MUC5B: variants seen among roughly 807,000 people sequenced by gnomAD.
MUC5B encodes mucin 5B, oligomeric mucus/gel-forming, also known as mucin-5B.
In MUC5B, 116 loss-of-function variants were observed where a neutral mutation model predicts 376.9. The observed-to-expected ratio is 0.31, with a 90% confidence interval of 0.26 to 0.36. The LOEUF is 0.36. Among genes scored for constraint, MUC5B ranks in the 10% least tolerant of loss-of-function variants. MUC5B has a pLI of 1.00. For missense variants in MUC5B, 7,165 were observed against 7,769.9 expected (o/e 0.92, Z 2.93); for synonymous variants, 3,517 against 3,390.9 (o/e 1.04, Z -1.29).
chr11:1,254,936 A>C (rs996463226), intron 35 of MUC5B, 56 bp downstream of exon 35: 6 of 1,288,750 alleles, frequency 4.7e-6, no homozygotes, highest in Non-Finnish European at 6.1e-6. Context: ...CTGACAACCC[A>C]GTGAGCATAG....
At position 1,249,495 on chromosome 11, in the gene MUC5B, G is replaced by A. The variant is rs780279590; in HGVS notation, c.12615G>A (p.Glu4205=). The change falls in exon 31 of 49, where the codon GAG becomes GAA. Residue 4205 remains glutamate (E), a synonymous_variant. Coordinates refer to ENST00000529681, the MANE Select transcript of MUC5B (RefSeq NM_002458.3). ...TTGGCCTGGTCTGCAGGAACCGTGA[G>A]CAGGTGGGGAAGTTCAAGATGTGCT... ...LDFGLVCRNR[E]QVGKFKMCFN... 1.2e-6 allele frequency: 2 copies of A among 1,611,554 alleles called. No homozygotes were observed. Among genetic ancestry groups the A allele is most frequent in the South Asian group, 2.2e-5 (2 of 90,996 alleles).
chr11:1,230,438 C>T (rs1861998774), intron 11 of MUC5B, 52 bp from the exon 12 acceptor site: 1 of 1,479,356 alleles, frequency 6.8e-7, no homozygotes. Flanking sequence ...TTCTGGGGGG[C>T]ACCCCACATC....
rs1862296545 is a variant in MUC5B at position 1,241,978 on chromosome 11, C to A, written c.5098C>A (p.Pro1700Thr). Residue 1700 changes from proline to threonine, a missense_variant, in exon 31 of 49, where the codon CCA (proline) becomes ACA (threonine). Physicochemically the swap from Pro to Thr is conservative, Grantham distance 38 (BLOSUM62 -1). Transcript: ENST00000529681. ...CACCCTTCCAACACGCTCAGCCCTTCCAGGGACGACGGGGAGCTTGGGCAC... is the reference window on the plus strand; with the variant it reads ...CACCCTTCCAACACGCTCAGCCCTTACAGGGACGACGGGGAGCTTGGGCAC... ...TSTLPTRSALPGTTGSLGTWR... is the reference protein window; with the variant it reads ...TSTLPTRSALTGTTGSLGTWR... 6.3e-7 allele frequency: 1 copy of A among 1,596,218 alleles called. No homozygotes were observed. The highest frequency in any genetic ancestry group is 1.3e-5 in the African/African-American group (1 of 74,376).
rs776871334 is a variant in MUC5B, at chr11:1,232,530, A to C, written c.1924A>C (p.Lys642Gln). ...GCGCTGCCACTCCATCATCAACCCC[A>C]AGCCCTTCCACTCGGTGAGAGGCTG... is the stretch of plus-strand genomic sequence containing the variant. ...FSRCHSIINP[K>Q]PFHSNCMFDT... The change falls in exon 16 of 49, where the codon AAG (lysine) becomes CAG (glutamine). Residue 642 changes from lysine to glutamine, a missense_variant. Lys to Gln is a moderately conservative substitution (Grantham distance 53). This residue lies in a region of MUC5B where 530 missense variants were observed against 604.0 expected (regional missense o/e 0.88). Coordinates refer to ENST00000529681, the MANE Select transcript of MUC5B (RefSeq NM_002458.3). The C allele has an allele frequency of 1.2e-6, 2 of 1,610,798 alleles. No individual in the cohort carries two copies. Among genetic ancestry groups the C allele is most frequent in the South Asian group, 2.2e-5 (2 of 90,516 alleles).
In MUC5B at chr11:1,239,240, G is replaced by A. The variant is rs1321059003; in HGVS notation, c.3455-198G>A. On this transcript the variant is annotated intron_variant, in intron 26 of 48. Coordinates refer to ENST00000529681, the MANE Select transcript of MUC5B (RefSeq NM_002458.3). ...TTGCCCCAGCATGAGACAGCTCCTA[G>A]GGGACAAGAGTTCCAAGGGCAGGGC... 1.6e-5 allele frequency: 14 copies of A among 896,558 alleles called. No individual in the cohort carries two copies. The South Asian group carries it at 2.0e-4, about 13-fold the overall frequency. The allele number at this position is 896,558 out of a possible 1,614,324, so 55.5% of individuals were successfully genotyped here. A position where few individuals can be genotyped will look rare whatever the true frequency, so the allele number is the denominator to read the frequency against.
chr11:1,227,236 C>A, intron 5 of MUC5B, 72 bp from the exon 6 acceptor site: 1 of 1,570,256 alleles, frequency 6.4e-7, no homozygotes, highest in Non-Finnish European at 8.7e-7. Context: ...CTTGGGGTCA[C>A]GGGGCTTGGG....
chr11:1,258,002 G>C lies in MUC5B; in HGVS notation c.16451-97G>C. The C allele has an allele frequency of 7.9e-7, 1 of 1,260,994 alleles. No homozygotes were observed. The highest frequency in any genetic ancestry group is 1.1e-6 in the Non-Finnish European group (1 of 897,784). The allele number at this position is 1,260,994 out of a possible 1,614,324, so 78.1% of individuals were successfully genotyped here. A position where few individuals can be genotyped will look rare whatever the true frequency, so the allele number is the denominator to read the frequency against. On this transcript the variant is annotated intron_variant, in intron 41 of 48. Transcript: ENST00000529681. This position sits in a 1 kb window ranked among gnomAD's most constrained non-coding sequence, Gnocchi z 5.5. ...CCCCCAGGGGCTGTGAAGCGGTCAG[G>C]TCCTCGGGGAAAAGCACGCCTGCGA...
Position 1,251,407 on chromosome 11 carries a change from G to C in MUC5B, c.14527G>C (p.Gly4843Arg). 1.2e-6 allele frequency: 2 copies of C among 1,612,606 alleles called. No individual in the cohort carries two copies. The highest frequency in any genetic ancestry group is 1.1e-5 in the South Asian group (1 of 91,028). Residue 4843 changes from glycine (G) to arginine (R), a missense_variant, in exon 31 of 49, where the codon GGG becomes CGG. Coordinates refer to ENST00000529681, the MANE Select transcript of MUC5B (RefSeq NM_002458.3). ...CACGGCCACCCTGTCCTCCACCCCA[G>C]GGACCACCTGGATCCTCACAGAGCC... ...GSTATLSSTPGTTWILTEPST... is the reference protein window; with the variant it reads ...GSTATLSSTPRTTWILTEPST...
chr11:1,233,927 C>G, intron 19 of MUC5B, 79 bp downstream of exon 19: 1 of 1,406,458 alleles, frequency 7.1e-7, no homozygotes, highest in Non-Finnish European at 9.8e-7. Flanking sequence ...ACGCCCCACC[C>G]TGCCCCACCC....
chr11:1,239,686 G>C (rs1310024627), intron 27 of MUC5B, 113 bp from the exon 28 acceptor site: 30 of 1,493,418 alleles, frequency 2.0e-5, no homozygotes, highest in Non-Finnish European at 2.7e-5. Context: ...TGCAAGCCTT[G>C]AGGGCAGGCC....
rs751203363 is a variant in MUC5B at position 1,250,104 on chromosome 11, G to A, written c.13224G>A (p.Thr4408=). ...AATTTAATGP[T]ATPSSTPGTT... is the part of the protein sequence containing the mutation. ...CTACAACTGCAGCCACTGGCCCCACGGCCACCCCGTCCTCCACCCCAGGGA... is the reference window on the plus strand; with the variant it reads ...CTACAACTGCAGCCACTGGCCCCACAGCCACCCCGTCCTCCACCCCAGGGA... Residue 4408 remains threonine (T), a synonymous_variant, in exon 31 of 49, where the codon ACG becomes ACA. Coordinates refer to ENST00000529681, the MANE Select transcript of MUC5B (RefSeq NM_002458.3). The A allele has an allele frequency of 2.8e-5, 44 of 1,593,350 alleles. No homozygotes were observed. The highest frequency in any genetic ancestry group is 4.6e-5 in the East Asian group (2 of 43,686).
intron 15 of MUC5B, 33 bp downstream of exon 15, chr11:1,232,193 A>G (rs779865321): frequency 1.9e-6 from 3 of 1,554,678 alleles, no homozygotes; most frequent in East Asian, 4.6e-5. Flanking sequence ...CAGTCACCCC[A>G]GGCTCAAGTC....
rs749664879 is a variant in MUC5B, at chr11:1,244,820, T to A, written c.7940T>A (p.Val2647Glu). The A allele has an allele frequency of 4.9e-5, 79 of 1,613,074 alleles. No homozygotes were observed. The South Asian group carries it at 7.8e-4, about 16-fold the overall frequency. ...TTTPTTRGST[V>E]TPSSIPGTTH... is the part of the protein sequence containing the mutation. Reference sequence around the variant, plus strand: ...ACACCCACAACCAGAGGTTCCACGGTGACCCCCTCCTCCATCCCGGGGACC... The same window carrying A: ...ACACCCACAACCAGAGGTTCCACGGAGACCCCCTCCTCCATCCCGGGGACC... The change falls in exon 31 of 49, where the codon GTG becomes GAG. Residue 2647 changes from valine (V) to glutamate (E), a missense_variant. This residue lies in a region of MUC5B where 141 missense variants were observed against 111.2 expected (regional missense o/e 1.27). Transcript: ENST00000529681.
Position 1,251,305 on chromosome 11 carries a change from C to T in MUC5B, c.14425C>T (p.Pro4809Ser). The T allele has an allele frequency of 1.9e-6, 3 of 1,611,756 alleles. No homozygotes were observed. The African/African-American group carries it at 4.0e-5, about 22-fold the overall frequency. Reference sequence around the variant, plus strand: ...AAGGGCCACCAATTCCACGGCCACACCCTCCTCCACTCTGGGGACGACCCG... The same window carrying T: ...AAGGGCCACCAATTCCACGGCCACATCCTCCTCCACTCTGGGGACGACCCG... ...MTRATNSTAT[P>S]SSTLGTTRIL... Residue 4809 changes from proline to serine, a missense_variant, in exon 31 of 49, where the codon CCC (proline) becomes TCC (serine). Pro to Ser is a moderately conservative substitution (Grantham distance 74, BLOSUM62 -1). Transcript: ENST00000529681.
At chr11:1,229,662 C>G in intron 9 of MUC5B, 28 bp from the exon 10 acceptor site, 1 of 1,523,428 alleles carries the variant, frequency 6.6e-7, no homozygotes, top group Non-Finnish European at 8.8e-7. Flanking sequence ...GTGCATGGGC[C>G]GGCCCTGCCT....
Position 1,246,249 on chromosome 11 carries a change from C to T in MUC5B, c.9369C>T (p.Ser3123=), listed in dbSNP as rs546997172. 1.2e-6 allele frequency: 2 copies of T among 1,612,652 alleles called. No homozygotes were observed. The highest frequency in any genetic ancestry group is 2.7e-5 in the African/African-American group (2 of 74,668). Residue 3123 remains serine (S), a synonymous_variant, in exon 31 of 49, where the codon TCC becomes TCT. Transcript: ENST00000529681. The part of the protein sequence containing the change: ...ATTTRATSSM[S]TPSSTPGTTW... Reference sequence around the variant, plus strand: ...CGACAAGGGCCACCAGTTCCATGTCCACCCCCTCCTCCACTCCGGGGACGA... The same window carrying T: ...CGACAAGGGCCACCAGTTCCATGTCTACCCCCTCCTCCACTCCGGGGACGA...
At position 1,234,289 on chromosome 11, in the gene MUC5B, C is replaced by G. The variant is rs772776376; in HGVS notation, c.2462C>G (p.Thr821Arg). The G allele has an allele frequency of 4.4e-6, 7 of 1,602,350 alleles. No homozygotes were observed. Among genetic ancestry groups the G allele is most frequent in the Non-Finnish European group, 6.0e-6 (7 of 1,175,154 alleles). The change falls in exon 20 of 49, where the codon ACG becomes AGG. Residue 821 changes from threonine to arginine, a missense_variant. This residue lies in a region of MUC5B where 530 missense variants were observed against 604.0 expected (regional missense o/e 0.88). Transcript: ENST00000529681. This position sits in a 1 kb window ranked among gnomAD's most constrained non-coding sequence, Gnocchi z 6.3. ...PGAECLRSCH[T>R]LDVGCFSTHC... ...GCCGAGTGCCTCCGGAGCTGCCACA[C>G]GCTGGACGTGGGCTGTGTGAGTTCC...
chr11:1,251,710 T>C lies in MUC5B; in HGVS notation c.14830T>C (p.Phe4944Leu), dbSNP rs1243299311. ...CAGCTCCCACTTCTCTACTCCCTGC[T>C]TCTGCAGGGCATTTGGACAGTTTTT... is the stretch of plus-strand genomic sequence containing the variant. ...FPSSHFSTPCFCRAFGQFFSP... is the reference protein window; with the variant it reads ...FPSSHFSTPCLCRAFGQFFSP... The change falls in exon 31 of 49, where the codon TTC becomes CTC. Residue 4944 changes from phenylalanine (F) to leucine (L), a missense_variant. By Grantham distance (22) the Phe-to-Leu change is conservative (BLOSUM62 0). Around this residue, in one of 31 missense-constraint regions of MUC5B, gnomAD observed 730 missense variants for 592.7 expected, o/e 1.23. Coordinates refer to ENST00000529681, the MANE Select transcript of MUC5B (RefSeq NM_002458.3). 6.2e-6 allele frequency: 10 copies of C among 1,609,048 alleles called. No individual in the cohort carries two copies. The highest frequency in any genetic ancestry group is 7.6e-6 in the Non-Finnish European group (9 of 1,177,012).
chr11:1,255,005 C>A, intron 35 of MUC5B, 36 bp from the exon 36 acceptor site: 1 of 1,546,996 alleles, frequency 6.5e-7, no homozygotes, highest in African/African-American at 1.4e-5. Context: ...AAAGGCTCCC[C>A]AGATTCCAGC....
Sources: allele counts gnomAD v4.1 joint callset, GRCh38; gene constraint gnomAD v4.1.1; regional missense constraint gnomAD v4.1.1; non-coding constraint Gnocchi (gnomAD v3.1); transcripts MANE v1.5; gene names NCBI Gene and HGNC (gene_info 2026-07-23, HGNC 2026-07-21).